The following PPP2R5A variants were observed in gnomAD, a reference collection of about 807,000 sequenced individuals.
PPP2R5A encodes the protein serine/threonine-protein phosphatase 2A 56 kDa regulatory subunit alpha isoform.
PPP2R5A carries 25 observed loss-of-function variants against 64.2 expected under a neutral mutation model. The ratio of observed to expected loss-of-function variants is 0.39; its 90% CI spans 0.28 to 0.54. The LOEUF (loss-of-function observed/expected upper bound fraction) is 0.54. PPP2R5A is among the 20% of genes least tolerant of loss of function. The probability of loss-of-function intolerance (pLI) is 0.67; values close to 1 mark genes in which losing one functional copy is unlikely to be tolerated. For missense variants in PPP2R5A, 425 were observed against 576.3 expected (o/e 0.74, Z 2.69); for synonymous variants, 198 against 201.2 (o/e 0.98, Z 0.13).
intron 1 of PPP2R5A, among the ~76,000 whole-genome samples, chr1:212,308,862 T>C (rs966434237): frequency 2.0e-5 from 3 of 152,208 alleles, no homozygotes; most frequent in African/African-American, 7.2e-5. Context: ...CGTCTCCTCA[T>C]GGGTCCCTTT....
intron 11 of PPP2R5A, chr1:212,358,419 A>G: frequency 4.6e-6 from 1 of 215,300 alleles, no homozygotes; most frequent in Non-Finnish European, 9.1e-6. Flanking sequence ...GTAAAGCAGA[A>G]ATGAAGATAA....
At chr1:212,301,448 A>G (rs368973794) in intron 1 of PPP2R5A, among the ~76,000 whole-genome samples, 1 of 152,192 alleles carries the variant, frequency 6.6e-6, no homozygotes. Flanking sequence ...AAAATAATAC[A>G]TACATTTATA....
chr1:212,347,609 G>A (rs1462041473), intron 6 of PPP2R5A, among the ~76,000 whole-genome samples: 2 of 151,030 alleles, frequency 1.3e-5, no homozygotes, highest in Admixed American at 6.6e-5. Flanking sequence ...GCGCGTTCTC[G>A]GCTCACTGCA....
At chr1:212,352,778 A>G (rs749482042) in intron 8 of PPP2R5A, 1 of 518,794 alleles carries the variant, frequency 1.9e-6, no homozygotes, top group Non-Finnish European at 3.8e-6. Flanking sequence ...CGCATATCAA[A>G]TGATCACAAA....
intron 1 of PPP2R5A, among the ~76,000 whole-genome samples, chr1:212,322,265 G>GTAGGGA (rs1558147153): frequency 1.2e-5 from 1 of 85,280 alleles, no homozygotes; most frequent in East Asian, 2.8e-4. Flanking sequence ...GAGAGGGAGA[G>GTAGGGA]GAGGGAGAGG....
At chr1:212,286,844 G>A (rs1262816859) in intron 1 of PPP2R5A, among the ~76,000 whole-genome samples, 1 of 152,186 alleles carries the variant, frequency 6.6e-6, no homozygotes, top group Non-Finnish European at 1.5e-5. Flanking sequence ...GAGTTAGCTG[G>A]CCTTTGGATG....
intron 3 of PPP2R5A, among the ~76,000 whole-genome samples, chr1:212,339,922 A>G (rs557876160): frequency 6.7e-6 from 1 of 149,032 alleles, no homozygotes; most frequent in South Asian, 2.2e-4. Flanking sequence ...ATTTGCATAA[A>G]GATTTGGAGT....
chr1:212,320,733 G>A (rs1659263685), intron 1 of PPP2R5A, among the ~76,000 whole-genome samples: 1 of 140,918 alleles, frequency 7.1e-6, no homozygotes, highest in African/African-American at 2.6e-5. Context: ...CGGGCAGAGG[G>A]GCTCCTCTCT....
At chr1:212,300,807 A>G (rs351391) in intron 1 of PPP2R5A, among the ~76,000 whole-genome samples, 4,315 of 152,240 alleles carry the variant, frequency 0.028, 217 homozygotes, top group African/African-American at 0.097. Context: ...AAGAGTACTA[A>G]TATTTAATTT....
intron 5 of PPP2R5A, among the ~76,000 whole-genome samples, chr1:212,346,379 C>T (rs1184554803): frequency 6.6e-6 from 1 of 151,840 alleles, no homozygotes; most frequent in Non-Finnish European, 1.5e-5. Context: ...GTAGTCATCC[C>T]TCAGTATCTG....
At chr1:212,353,718 T>C (rs1659927015) in intron 8 of PPP2R5A, among the ~76,000 whole-genome samples, 1 of 152,206 alleles carries the variant, frequency 6.6e-6, no homozygotes, top group South Asian at 2.1e-4. Context: ...TATTTGCTTA[T>C]ATTTATGGAT....
chr1:212,317,583 AT>A (rs535465498), intron 1 of PPP2R5A, among the ~76,000 whole-genome samples: 1,656 of 147,626 alleles, frequency 0.011, 15 homozygotes, highest in East Asian at 0.034. Context: ...ATACACTCTG[AT>A]TTTTTTTTTT....
intron 8 of PPP2R5A, among the ~76,000 whole-genome samples, chr1:212,351,566 TAGC>T (rs769593548): frequency 6.6e-6 from 1 of 151,938 alleles, no homozygotes; most frequent in African/African-American, 2.4e-5. Context: ...ATACAAAAAT[TAGC>T]CGGGCGTGAT....
chr1:212,356,732 CTA>C, intron 9 of PPP2R5A, 56 bp downstream of exon 9: 1 of 1,551,468 alleles, frequency 6.4e-7, no homozygotes, highest in Admixed American at 1.8e-5. Context: ...AATCCCAGGG[CTA>C]TAAACCATGC....
chr1:212,327,067 T>C (rs1210148043), intron 1 of PPP2R5A, among the ~76,000 whole-genome samples: 1 of 152,232 alleles, frequency 6.6e-6, no homozygotes, highest in Non-Finnish European at 1.5e-5. Context: ...GTAATTTTAC[T>C]AGCTTCCTGC....
chr1:212,316,587 C>CTTTTTTTTTTTTTT lies in PPP2R5A; in HGVS notation c.182-12535_182-12522dup, dbSNP rs751228809. Reference sequence around the variant, plus strand: ...ATGGATATTTAACCTTTGTGGGTGACTTTTTTTTTTTTTTTTTTTTTTTTT... The same window carrying CTTTTTTTTTTTTTT: ...ATGGATATTTAACCTTTGTGGGTGACTTTTTTTTTTTTTTTTTTTTTTTTTTTTTTTTTTTTTTT... On this transcript the variant is annotated intron_variant, in intron 1 of 12. Coordinates refer to ENST00000261461, the MANE Select transcript of PPP2R5A (RefSeq NM_006243.4). 1.5e-3 allele frequency among the ~76,000 whole-genome samples: 56 copies of CTTTTTTTTTTTTTT among 36,688 alleles called. 4 individuals carry two copies. The highest frequency in any genetic ancestry group is 3.9e-3 in the East Asian group (3 of 762). 24.1% of individuals were successfully genotyped at this position (36,688 alleles called of 152,430 possible). A position where few individuals can be genotyped will look rare whatever the true frequency, so the allele number is the denominator to read the frequency against.
intron 1 of PPP2R5A, among the ~76,000 whole-genome samples, chr1:212,322,559 G>T (rs1294915080): frequency 6.6e-6 from 1 of 152,014 alleles, no homozygotes; most frequent in East Asian, 1.9e-4. Flanking sequence ...TAAAAATGTT[G>T]CATGTCTTGA....
chr1:212,358,411 A>G, intron 11 of PPP2R5A: 1 of 203,764 alleles, frequency 4.9e-6, no homozygotes, highest in Non-Finnish European at 9.8e-6. Flanking sequence ...ATGAGACTGT[A>G]AAGCAGAAAT....
At chr1:212,287,608 G>T (rs1461537488) in intron 1 of PPP2R5A, among the ~76,000 whole-genome samples, 1 of 152,158 alleles carries the variant, frequency 6.6e-6, no homozygotes, top group Non-Finnish European at 1.5e-5. Flanking sequence ...ATATTAGTCT[G>T]TGCTATCGAA....
Sources: gnomAD v4.1 joint callset for allele counts (sites outside exome capture counted in the v4.1 genomes callset) on GRCh38, gnomAD v4.1.1 for gene constraint, MANE v1.5 for transcripts, NCBI Gene and HGNC (gene_info 2026-07-23, HGNC 2026-07-21) for gene names.